Variants in MAP4K4 observed in about 807,000 individuals in gnomAD.
MAP4K4 encodes the protein mitogen-activated protein kinase kinase kinase kinase 4.
In MAP4K4, 38 loss-of-function variants were observed where a neutral mutation model predicts 189.6. That is an observed-to-expected ratio of 0.20 (90% CI 0.15 to 0.26). The LOEUF is 0.26. Among genes scored for constraint, MAP4K4 ranks in the 10% least tolerant of loss-of-function variants. The pLI is 1.00. For synonymous variants in MAP4K4, 610 were observed against 624.3 expected, an observed-to-expected ratio of 0.98 and a Z score of 0.34; for missense variants, 1,054 against 1,726.9, an observed-to-expected ratio of 0.61 and a Z score of 6.91.
intron 2 of MAP4K4, among the ~76,000 whole-genome samples, chr2:101,703,007 G>A (rs991063165): frequency 6.6e-6 from 1 of 152,124 alleles, no homozygotes; most frequent in African/African-American, 2.4e-5. Flanking sequence ...GGAGTAGTGG[G>A]AATTTCAAGG....
intron 2 of MAP4K4, among the ~76,000 whole-genome samples, chr2:101,709,690 A>T (rs1423200374): frequency 6.6e-6 from 1 of 151,998 alleles, no homozygotes; most frequent in East Asian, 1.9e-4. Flanking sequence ...GTTTTCCTTT[A>T]TCTCAAGCAG....
chr2:101,874,319 A>C (rs1445148915), intron 26 of MAP4K4, 67 bp downstream of exon 26: 8 of 1,409,638 alleles, frequency 5.7e-6, no homozygotes, highest in Non-Finnish European at 7.8e-6. Context: ...CTTCTAGAGA[A>C]GTACTGCATT....
At chr2:101,805,062 GACTCCAGATCAAAAAAAA>G (rs1481337073) in intron 3 of MAP4K4, among the ~76,000 whole-genome samples, 1 of 114,236 alleles carries the variant, frequency 8.8e-6, no homozygotes, top group Non-Finnish European at 1.6e-5. Flanking sequence ...GACAGGGCGA[GACTCCAGATCAAAAAAAA>G]AAAAAAAAAA....
intron 2 of MAP4K4, among the ~76,000 whole-genome samples, chr2:101,755,947 T>C (rs909536280): frequency 2.2e-5 from 3 of 135,494 alleles, no homozygotes; most frequent in African/African-American, 8.4e-5. Context: ...TTTTTTTTTT[T>C]TTTTTTTTTT....
chr2:101,716,037 C>A (rs1164833130), intron 2 of MAP4K4, among the ~76,000 whole-genome samples: 2 of 152,188 alleles, frequency 1.3e-5, no homozygotes, highest in Non-Finnish European at 1.5e-5. Flanking sequence ...CCACTGCCAC[C>A]CCCTGCCTAC....
chr2:101,876,914 T>C (rs79810563), intron 26 of MAP4K4, 89 bp from the exon 27 acceptor site: 2 of 1,351,924 alleles, frequency 1.5e-6, no homozygotes, highest in African/African-American at 2.9e-5. Context: ...TACACTTTTT[T>C]CCAAATAGAT....
In MAP4K4 at chr2:101,870,287, C is replaced by T. The variant is rs1166278536; in HGVS notation, c.2640-8C>T. On this transcript the variant is annotated splice_region_variant and splice_polypyrimidine_tract_variant and intron_variant, in intron 22 of 32. Coordinates refer to ENST00000324219, the Ensembl canonical transcript of MAP4K4. Reference sequence around the variant, plus strand: ...AAGGCCTTTCACGTCTGGATTTTTTCTCCATAGGTCATCTCTGAATTTGAG... The same window carrying T: ...AAGGCCTTTCACGTCTGGATTTTTTTTCCATAGGTCATCTCTGAATTTGAG... 3 of 1,611,770 alleles carry T rather than the reference C, an allele frequency of 1.9e-6. No homozygotes were observed. The highest frequency in any genetic ancestry group is 1.7e-6 in the Non-Finnish European group (2 of 1,178,808).
rs956925774 is a variant in MAP4K4, at chr2:101,887,701, A to T, written c.3772-77A>T. 10 of 1,114,524 alleles carry T rather than the reference A, an allele frequency of 9.0e-6. No individual in the cohort carries two copies. In the African/African-American group the frequency reaches 1.6e-4, roughly 17 times the overall value. 69.0% of individuals were successfully genotyped at this position (1,114,524 alleles called of 1,614,324 possible). On this transcript the variant is annotated intron_variant, in intron 30 of 32. Coordinates refer to ENST00000324219, the Ensembl canonical transcript of MAP4K4. Reference sequence around the variant, plus strand: ...AGATATGGTACCAGTGCATTCACTAAGAGTCTTACTGAGCACTTGCACAGG... The same window carrying T: ...AGATATGGTACCAGTGCATTCACTATGAGTCTTACTGAGCACTTGCACAGG...
intron 2 of MAP4K4, among the ~76,000 whole-genome samples, chr2:101,722,346 C>G (rs1308316378): frequency 6.6e-6 from 1 of 152,182 alleles, no homozygotes; most frequent in African/African-American, 2.4e-5. Context: ...AATTTTGGCC[C>G]TGCAACTCTG....
intron 3 of MAP4K4, among the ~76,000 whole-genome samples, chr2:101,799,496 C>G (rs1340966667): frequency 6.6e-6 from 1 of 152,140 alleles, no homozygotes; most frequent in East Asian, 1.9e-4. Context: ...TTCTTCAGCC[C>G]CTCTGTGGTT....
At chr2:101,733,265 T>A (rs2059227111) in intron 2 of MAP4K4, among the ~76,000 whole-genome samples, 1 of 152,116 alleles carries the variant, frequency 6.6e-6, no homozygotes, top group Non-Finnish European at 1.5e-5. Context: ...GATGCAGGGA[T>A]GATGAGGAAA....
At chr2:101,828,669 A>T (rs2096471884) in intron 5 of MAP4K4, among the ~76,000 whole-genome samples, 1 of 152,256 alleles carries the variant, frequency 6.6e-6, no homozygotes, top group South Asian at 2.1e-4. Flanking sequence ...AATAACCCTT[A>T]CTTATAATCT....
intron 2 of MAP4K4, among the ~76,000 whole-genome samples, chr2:101,742,509 A>T (rs2063313464): frequency 7.2e-6 from 1 of 139,410 alleles, no homozygotes; most frequent in African/African-American, 2.5e-5. Flanking sequence ...TCCCTCTAGG[A>T]TGTTTACAAT....
intron 3 of MAP4K4, chr2:101,797,266 G>C (rs2093798909): frequency 7.7e-7 from 1 of 1,290,578 alleles, no homozygotes; most frequent in African/African-American, 1.5e-5. Context: ...CCAGCTAAAT[G>C]CTACAGGCCT....
Position 101,844,208 on chromosome 2 carries a change from A to G in MAP4K4, c.1130A>G (p.Gln377Arg), listed in dbSNP as rs374166171. ...GCTCTTCGGAGACAACAGTTACTAC[A>G]GGAGCAACAGCTCCGGGAGCAGGAA... The change falls in exon 12 of 33, where the codon CAG becomes CGG. Residue 377 changes from glutamine (Q) to arginine (R), a missense_variant. Physicochemically the swap from Gln to Arg is conservative, Grantham distance 43. Around this residue, in one of 4 missense-constraint regions of MAP4K4, gnomAD observed 200 missense variants for 509.0 expected, o/e 0.39. Transcript: ENST00000324219. The G allele has an allele frequency of 1.9e-6, 3 of 1,606,564 alleles. No homozygotes were observed. The highest frequency in any genetic ancestry group is 2.6e-6 in the Non-Finnish European group (3 of 1,176,438).
intron 3 of MAP4K4, among the ~76,000 whole-genome samples, chr2:101,806,830 A>G (rs1240396119): frequency 6.6e-6 from 1 of 152,146 alleles, no homozygotes; most frequent in Admixed American, 6.5e-5. Context: ...AAAACTGTTG[A>G]TTTGGAAAGT....
chr2:101,888,017 T>G, intron 31 of MAP4K4, 80 bp downstream of exon 31: 1 of 1,339,080 alleles, frequency 7.5e-7, no homozygotes, highest in Non-Finnish European at 1.0e-6. Flanking sequence ...ATGCTGATTT[T>G]GTATGTCCTT....
At chr2:101,755,342 C>T (rs968975175) in intron 2 of MAP4K4, among the ~76,000 whole-genome samples, 1 of 152,168 alleles carries the variant, frequency 6.6e-6, no homozygotes, top group Non-Finnish European at 1.5e-5. Context: ...GAATAAATAA[C>T]TGCTTAAATA....
chr2:101,829,439 T>C, intron 5 of MAP4K4, 65 bp from the exon 6 acceptor site: 1 of 1,040,234 alleles, frequency 9.6e-7, no homozygotes, highest in East Asian at 2.6e-5. Flanking sequence ...TTATAAAAGG[T>C]GTGTTCCTGG....
Sources: allele counts gnomAD v4.1 joint callset (sites outside exome capture counted in the v4.1 genomes callset), GRCh38; gene constraint gnomAD v4.1.1; regional missense constraint gnomAD v4.1.1; transcripts MANE v1.5; gene names NCBI Gene and HGNC (gene_info 2026-07-23, HGNC 2026-07-21).